Variants in SCYL3 observed in about 807,000 individuals in gnomAD.
SCYL3 encodes protein-associating with the carboxyl-terminal domain of ezrin.
SCYL3 carries 35 observed loss-of-function variants against 73.8 expected under a neutral mutation model. The observed-to-expected ratio is 0.47, with a 90% CI of 0.36 to 0.63. The LOEUF is 0.63. Among genes scored for constraint, SCYL3 ranks in the 20% least tolerant of loss-of-function variants. The probability of loss-of-function intolerance (pLI) is 0.00; values close to 1 mark genes in which losing one functional copy is unlikely to be tolerated. For missense variants in SCYL3, 712 were observed against 798.9 expected (o/e 0.89, Z 1.31); for synonymous variants, 277 against 295.2 (o/e 0.94, Z 0.63).
intron 10 of SCYL3, among the ~76,000 whole-genome samples, chr1:169,861,636 T>A (rs1313689692): frequency 2.0e-5 from 3 of 152,208 alleles, no homozygotes; most frequent in Non-Finnish European, 4.4e-5. Context: ...TTTGGGGTAC[T>A]TACATGGCAA....
chr1:169,861,318 C>CA (rs1553260295), intron 10 of SCYL3, among the ~76,000 whole-genome samples: 32 of 151,672 alleles, frequency 2.1e-4, no homozygotes, highest in African/African-American at 5.8e-4. Flanking sequence ...TTCTTTTGCC[C>CA]TTTTTTTTTC....
chr1:169,877,394 G>A (rs1212301310), intron 3 of SCYL3, among the ~76,000 whole-genome samples: 2 of 152,210 alleles, frequency 1.3e-5, no homozygotes, highest in Non-Finnish European at 2.9e-5. Context: ...CTGGGCTCAA[G>A]CGATCCTCTT....
chr1:169,871,077 G>C (rs1660356204), intron 5 of SCYL3, among the ~76,000 whole-genome samples: 1 of 148,324 alleles, frequency 6.7e-6, no homozygotes, highest in South Asian at 2.2e-4. Context: ...GAAATCCTAA[G>C]TAATGGGCAG....
At chr1:169,873,038 A>C (rs2102177027) in intron 5 of SCYL3, among the ~76,000 whole-genome samples, 1 of 152,222 alleles carries the variant, frequency 6.6e-6, no homozygotes. Context: ...CTGGTTTTGA[A>C]ATGTGAGGAC....
intron 9 of SCYL3, among the ~76,000 whole-genome samples, chr1:169,863,817 A>G (rs550330582): frequency 7.8e-4 from 118 of 152,240 alleles, no homozygotes; most frequent in Non-Finnish European, 1.3e-3. Context: ...CTTTAAGAAA[A>G]TAAATTCTGA....
At chr1:169,872,179 G>C (rs939606300) in intron 5 of SCYL3, among the ~76,000 whole-genome samples, 1 of 152,240 alleles carries the variant, frequency 6.6e-6, no homozygotes. Context: ...TCATGGGCGA[G>C]GCCCAGGGTC....
At chr1:169,862,514 A>T in intron 10 of SCYL3, 99 bp downstream of exon 10, 2 of 1,281,348 alleles carry the variant, frequency 1.6e-6, no homozygotes, top group South Asian at 2.7e-5. Flanking sequence ...TGCTGCCTGA[A>T]GGCTTTCTAA....
intron 5 of SCYL3, among the ~76,000 whole-genome samples, chr1:169,871,406 G>A (rs941268079): frequency 2.0e-5 from 3 of 152,196 alleles, no homozygotes; most frequent in Admixed American, 6.5e-5. Flanking sequence ...CAGGTGAGAC[G>A]TGCCTTTTGC....
Position 169,878,760 on chromosome 1 carries a change from C to T in SCYL3, c.225G>A (p.Ala75=), listed in dbSNP as rs377619814. 9.9e-6 allele frequency: 16 copies of T among 1,614,108 alleles called. No homozygotes were observed. Among genetic ancestry groups the T allele is most frequent in the South Asian group, 7.7e-5 (7 of 91,070 alleles). The stretch of plus-strand genomic sequence containing the variant: ...GCTCAGTGACAAGATGAATGCCATC[C>T]GCTTCCACAGTACAAGATAAAAATC... ...LLRFLSCTVE[A]DGIHLVTERV... The change falls in exon 3 of 13, where the codon GCG becomes GCA. Residue 75 remains alanine, a synonymous_variant. Coordinates refer to ENST00000367771, the MANE Select transcript of SCYL3 (RefSeq NM_020423.7).
intron 10 of SCYL3, 88 bp downstream of exon 10, chr1:169,862,525 G>A (rs1659721700): frequency 7.9e-6 from 11 of 1,397,398 alleles, no homozygotes; most frequent in African/African-American, 1.4e-5. Context: ...GGCTTTCTAA[G>A]CTATTATCTG....
At chr1:169,877,447 T>G (rs371139851) in intron 3 of SCYL3, among the ~76,000 whole-genome samples, 36 of 152,344 alleles carry the variant, frequency 2.4e-4, no homozygotes, top group African/African-American at 7.7e-4. Flanking sequence ...TGTGAGCCAC[T>G]GCGCCTGGCC....
intron 4 of SCYL3, among the ~76,000 whole-genome samples, chr1:169,874,046 T>C (rs3766149): frequency 0.033 from 4,993 of 152,278 alleles, 254 homozygotes; most frequent in East Asian, 0.22. Context: ...GATTTCCTTA[T>C]ATGGAAATTA....
At position 169,852,273 on chromosome 1, in the gene SCYL3, CTTA is replaced by C; in HGVS notation, c.*1437_*1439del. 3.0e-6 allele frequency: 1 copy of C among 330,858 alleles called. No homozygotes were observed. The highest frequency in any genetic ancestry group is 3.2e-5 in the South Asian group (1 of 31,660). The allele number at this position is 330,858 out of a possible 1,614,324, so 20.5% of individuals were successfully genotyped here. ...CTAAATGTTTAGTTTGATTCCTTGC[CTTA>C]TTAATCAAATGAGTCTCCTAATAAT... On this transcript the variant is annotated 3_prime_UTR_variant, in exon 13 of 13. Transcript: ENST00000367771.
At chr1:169,854,038 T>TTTC in intron 12 of SCYL3, 1 of 566,468 alleles carries the variant, frequency 1.8e-6, no homozygotes, top group Non-Finnish European at 3.0e-6. Context: ...ATCCCTTTTT[T>TTTC]TTCTTTTTCA....
chr1:169,877,767 T>A (rs959548647), intron 3 of SCYL3, among the ~76,000 whole-genome samples: 4 of 152,224 alleles, frequency 2.6e-5, no homozygotes, highest in African/African-American at 9.6e-5. Flanking sequence ...ACCATGTGTA[T>A]GCACTTTTGT....
In SCYL3 at chr1:169,853,128, G is replaced by C. The variant is rs1658640368; in HGVS notation, c.*585C>G. Reference sequence around the variant, plus strand: ...TCTTTATTTGACATTTAGAGAACAGGATTGTGGGGAATATTCTTATTAAGA... The same window carrying C: ...TCTTTATTTGACATTTAGAGAACAGCATTGTGGGGAATATTCTTATTAAGA... On this transcript the variant is annotated 3_prime_UTR_variant, in exon 13 of 13. Transcript: ENST00000367771. 2 of 796,988 alleles carry C rather than the reference G, an allele frequency of 2.5e-6. No homozygotes were observed. Among genetic ancestry groups the C allele is most frequent in the Non-Finnish European group, 4.0e-6 (2 of 500,546 alleles). 49.4% of individuals were successfully genotyped at this position (796,988 alleles called of 1,614,324 possible).
rs1660220823 is a variant in SCYL3 at position 169,868,995 on chromosome 1, T to C, written c.670A>G (p.Thr224Ala). ...LSSFQQTLHS[T>A]LLNPIPKCRP... ...CATTTTGGAATGGGATTCAGCAAAG[T>C]TGAGTGCAAGGTCTGTTGAAAGCTG... Residue 224 changes from threonine (T) to alanine (A), a missense_variant, in exon 7 of 13, where the codon ACT becomes GCT. Around this residue, in one of 2 missense-constraint regions of SCYL3, gnomAD observed 342 missense variants for 448.1 expected, o/e 0.76. Coordinates refer to ENST00000367771, the MANE Select transcript of SCYL3 (RefSeq NM_020423.7). The C allele has an allele frequency of 6.2e-7, 1 of 1,614,142 alleles. No homozygotes were observed. The highest frequency in any genetic ancestry group is 1.3e-5 in the African/African-American group (1 of 75,028).
At chr1:169,891,237 A>C (rs900734176) in intron 1 of SCYL3, among the ~76,000 whole-genome samples, 4 of 152,200 alleles carry the variant, frequency 2.6e-5, no homozygotes, top group Admixed American at 2.6e-4. Flanking sequence ...TTCCAGAGGA[A>C]GTCAGTTGGT....
rs1008035601 is a variant in SCYL3, at chr1:169,878,700, C to T, written c.285G>A (p.Leu95=). The change falls in exon 3 of 13, where the codon TTG becomes TTA. Residue 95 remains leucine, a synonymous_variant. Transcript: ENST00000367771. The part of the protein sequence containing the change: ...VQPLEVALET[L]SSAEVCAGIY... ...TCCCAGCACAGACCTCTGCAGAAGA[C>T]AATGTTTCCAAAGCCACTTCCAGGG... is the stretch of plus-strand genomic sequence containing the variant. The T allele has an allele frequency of 3.1e-6, 5 of 1,613,954 alleles. No homozygotes were observed. The highest frequency in any genetic ancestry group is 4.2e-6 in the Non-Finnish European group (5 of 1,179,954).
Sources: allele counts gnomAD v4.1 joint callset (sites outside exome capture counted in the v4.1 genomes callset), GRCh38; gene constraint gnomAD v4.1.1; regional missense constraint gnomAD v4.1.1; transcripts MANE v1.5; gene names NCBI Gene and HGNC (gene_info 2026-07-23, HGNC 2026-07-21).